HHIPL1: variants seen among roughly 807,000 people sequenced by gnomAD.
HHIPL1 encodes the protein HHIP-like protein 1.
A neutral mutation model predicts 61.8 loss-of-function variants in HHIPL1; 43 were observed. That is an observed-to-expected ratio of 0.70 (90% CI 0.55 to 0.90). The LOEUF (loss-of-function observed/expected upper bound fraction) is 0.90. Ranked by LOEUF, HHIPL1 falls within the 40% of genes least tolerant of loss-of-function variation. HHIPL1 has a pLI of 0.00. For synonymous variants in HHIPL1, 482 were observed against 515.8 expected (o/e 0.93, Z 0.89); for missense variants, 1,056 against 1,157.7 (o/e 0.91, Z 1.28).
At position 99,645,449 on chromosome 14, in the gene HHIPL1, A is replaced by G; in HGVS notation, c.242A>G (p.Asp81Gly). The G allele has an allele frequency of 1.5e-6, 2 of 1,330,998 alleles. 1 individual carries two copies. Among genetic ancestry groups the G allele is most frequent in the Non-Finnish European group, 1.9e-6 (2 of 1,047,884 alleles). 82.4% of individuals were successfully genotyped at this position (1,330,998 alleles called of 1,614,324 possible). A position where few individuals can be genotyped will look rare whatever the true frequency, so the allele number is the denominator to read the frequency against. Reference sequence around the variant, plus strand: ...GCCGCGTGCGCCGGCTACGCGAGGGACCTGCTGTGCCAGGTGAGCGGGCGC... The same window carrying G: ...GCCGCGTGCGCCGGCTACGCGAGGGGCCTGCTGTGCCAGGTGAGCGGGCGC... ...EWAACAGYARDLLCQECSPYA... is the reference protein window; with the variant it reads ...EWAACAGYARGLLCQECSPYA... The change falls in exon 1 of 9, where the codon GAC (aspartate) becomes GGC (glycine). Residue 81 changes from aspartate (D) to glycine (G), a missense_variant. By Grantham distance (94) the Asp-to-Gly change is moderately conservative. Coordinates refer to ENST00000330710, the MANE Select transcript of HHIPL1 (RefSeq NM_001127258.3).
intron 6 of HHIPL1, among the ~76,000 whole-genome samples, chr14:99,665,490 G>C (rs926824303): frequency 2.0e-5 from 3 of 152,204 alleles, no homozygotes; most frequent in African/African-American, 7.2e-5. Context: ...ATCCAGGCAG[G>C]AATGTGGTGG....
rs1183288039 is a variant in HHIPL1, at chr14:99,645,393, C to A, written c.186C>A (p.Ala62=). 7.0e-7 allele frequency: 1 copy of A among 1,424,908 alleles called. No individual in the cohort carries two copies. 88.3% of individuals were successfully genotyped at this position (1,424,908 alleles called of 1,614,324 possible). A position where few individuals can be genotyped will look rare whatever the true frequency, so the allele number is the denominator to read the frequency against. ...RDAELTRRFW[A]LASRVDAAEW... is the part of the protein sequence containing the mutation. Reference sequence around the variant, plus strand: ...CCGAGCTGACCCGCCGCTTCTGGGCCCTGGCGAGCCGCGTGGACGCCGCCG... The same window carrying A: ...CCGAGCTGACCCGCCGCTTCTGGGCACTGGCGAGCCGCGTGGACGCCGCCG... The change falls in exon 1 of 9, where the codon GCC becomes GCA. Residue 62 remains alanine (A), a synonymous_variant. Coordinates refer to ENST00000330710, the MANE Select transcript of HHIPL1 (RefSeq NM_001127258.3).
chr14:99,672,997 G>A (rs2056341906), intron 8 of HHIPL1, among the ~76,000 whole-genome samples: 1 of 152,220 alleles, frequency 6.6e-6, no homozygotes, highest in African/African-American at 2.4e-5. Flanking sequence ...ACAGCACACG[G>A]CGAGACACTG....
At chr14:99,669,132 C>T in intron 7 of HHIPL1, 1 of 1,388,412 alleles carries the variant, frequency 7.2e-7, no homozygotes, top group Non-Finnish European at 9.3e-7. Flanking sequence ...CCCTGGGCTA[C>T]ACGACTGACT....
chr14:99,643,583 T>G (rs1236957400), upstream of HHIPL1, among the ~76,000 whole-genome samples: 1 of 152,192 alleles, frequency 6.6e-6, no homozygotes, highest in East Asian at 1.9e-4. Flanking sequence ...TGTGTTGATG[T>G]GTGACTATCA....
intron 7 of HHIPL1, chr14:99,669,397 C>CGGCG: frequency 1.1e-6 from 1 of 929,946 alleles, no homozygotes. Flanking sequence ...CCTGAGGTTG[C>CGGCG]ACTCCGAGAA....
the HHIPL1 span, among the ~76,000 whole-genome samples, chr14:99,638,451 C>T: frequency 1.3e-5 from 2 of 152,196 alleles, no homozygotes; most frequent in Admixed American, 1.3e-4. Flanking sequence ...TGCGTAGGTG[C>T]CCATACCGAC....
the HHIPL1 span, among the ~76,000 whole-genome samples, chr14:99,630,416 C>T: frequency 6.6e-6 from 1 of 152,242 alleles, no homozygotes. Flanking sequence ...TACTCACACC[C>T]TTACACTGGG....
Position 99,662,877 on chromosome 14 carries a change from C to T in HHIPL1, c.1504C>T (p.Arg502Cys), listed in dbSNP as rs139559984. 1.8e-5 allele frequency: 29 copies of T among 1,591,632 alleles called. No homozygotes were observed. In the East Asian group the frequency reaches 4.1e-4, roughly 22 times the overall value. Residue 502 changes from arginine (R) to cysteine (C), a missense_variant and splice_region_variant, in exon 6 of 9, where the codon CGT becomes TGT. Physicochemically the swap from Arg to Cys is radical, Grantham distance 180. Transcript: ENST00000330710. ...CTCACAGCTCATCTTCCTTTGCAGG[C>T]GTCTGATGTCCCTCCAAGAGAACCC... ...LYIFGDFMSGRLMSLQENPGT... is the reference protein window; with the variant it reads ...LYIFGDFMSGCLMSLQENPGT...
At chr14:99,663,117 C>G (rs1318861364) in intron 6 of HHIPL1, 96 bp downstream of exon 6, 4 of 1,228,764 alleles carry the variant, frequency 3.3e-6, no homozygotes, top group Non-Finnish European at 4.5e-6. Flanking sequence ...GGGGAAGGAC[C>G]ACACAGGCCT....
At position 99,675,170 on chromosome 14, in the gene HHIPL1, G is replaced by A. The variant is rs1048836862; in HGVS notation, c.1893G>A (p.Thr631=). The A allele has an allele frequency of 1.8e-6, 2 of 1,114,438 alleles. No homozygotes were observed. The allele number at this position is 1,114,438 out of a possible 1,614,324, so 69.0% of individuals were successfully genotyped here. The change falls in exon 9 of 9, where the codon ACG becomes ACA. Residue 631 remains threonine (T), a synonymous_variant. Transcript: ENST00000330710. This position sits in a 1 kb window ranked among gnomAD's most constrained non-coding sequence, Gnocchi z 5.4. The part of the protein sequence containing the change: ...PTRAPRRGRP[T]AAPPAPTPRP... ...GGGCGCCCCGCCGAGGGCGCCCCACGGCCGCTCCCCCCGCGCCAACCCCGC... is the reference window on the plus strand; with the variant it reads ...GGGCGCCCCGCCGAGGGCGCCCCACAGCCGCTCCCCCCGCGCCAACCCCGC...
the HHIPL1 span, among the ~76,000 whole-genome samples, chr14:99,605,254 G>A: frequency 1.3e-5 from 2 of 152,210 alleles, no homozygotes; most frequent in African/African-American, 2.4e-5. Context: ...CGCCGAGCCG[G>A]CCACAGAACT....
intron 2 of HHIPL1, 106 bp downstream of exon 2, chr14:99,652,976 A>C: frequency 8.8e-7 from 1 of 1,134,952 alleles, no homozygotes; most frequent in Non-Finnish European, 1.2e-6. Context: ...AATATTTAAC[A>C]CACCTGGTGG....
chr14:99,670,287 T>A (rs1227916073), intron 7 of HHIPL1, among the ~76,000 whole-genome samples: 2 of 152,166 alleles, frequency 1.3e-5, no homozygotes, highest in Non-Finnish European at 2.9e-5. Flanking sequence ...AATTTTTGTA[T>A]TTTTAGTAGA....
chr14:99,644,352 G>A (rs1256079583), upstream of HHIPL1, among the ~76,000 whole-genome samples: 1 of 151,874 alleles, frequency 6.6e-6, no homozygotes, highest in African/African-American at 2.4e-5. Flanking sequence ...TTTTGGTGCT[G>A]TGAGATTCTA....
intron 6 of HHIPL1, among the ~76,000 whole-genome samples, chr14:99,666,502 A>G (rs2056248762): frequency 6.6e-6 from 1 of 152,178 alleles, no homozygotes; most frequent in African/African-American, 2.4e-5. Context: ...GTGGCTGACT[A>G]TGAACGCCTG....
At chr14:99,672,994 A>C (rs1403706900) in intron 8 of HHIPL1, among the ~76,000 whole-genome samples, 3 of 152,248 alleles carry the variant, frequency 2.0e-5, no homozygotes, top group African/African-American at 7.2e-5. Flanking sequence ...GATACAGCAC[A>C]CGGCGAGACA....
At chr14:99,658,484 G>A (rs1268186904) in intron 3 of HHIPL1, among the ~76,000 whole-genome samples, 1 of 152,168 alleles carries the variant, frequency 6.6e-6, no homozygotes, top group African/African-American at 2.4e-5. Context: ...CTACTGATAA[G>A]GGAAAGGTGT....
the HHIPL1 span, among the ~76,000 whole-genome samples, chr14:99,614,328 G>A: frequency 1.6e-3 from 236 of 152,156 alleles, 1 homozygote; most frequent in Admixed American, 4.3e-3. Context: ...AGAGTAGCTC[G>A]CCCAGCTCAG....
Sources: allele counts gnomAD v4.1 joint callset (sites outside exome capture counted in the v4.1 genomes callset), GRCh38; gene constraint gnomAD v4.1.1; non-coding constraint Gnocchi (gnomAD v3.1); transcripts MANE v1.5; gene names NCBI Gene and HGNC (gene_info 2026-07-23, HGNC 2026-07-21).